DRC11: variants seen among roughly 807,000 people sequenced by gnomAD.
DRC11 encodes the protein dynein regulatory complex subunit 11.
At chr2:236,489,075 C>G in the DRC11 span, among the ~76,000 whole-genome samples, 1 of 138,160 alleles carries the variant, frequency 7.2e-6, no homozygotes, top group Admixed American at 7.4e-5. Context: ...CGGGTGCATG[C>G]TGGGGCCTGT....
At chr2:236,471,194 G>C in the DRC11 span, among the ~76,000 whole-genome samples, 9 of 152,222 alleles carry the variant, frequency 5.9e-5, no homozygotes, top group African/African-American at 2.2e-4. This position sits in a 1 kb window ranked among gnomAD's most constrained non-coding sequence, Gnocchi z 4.6. Context: ...CCAGGAAGTG[G>C]CTGGGGCTTT....
At chr2:236,389,942 G>A in the DRC11 span, among the ~76,000 whole-genome samples, 2 of 152,184 alleles carry the variant, frequency 1.3e-5, no homozygotes, top group African/African-American at 2.4e-5. Context: ...ATGCATACTC[G>A]AGAAGAATGT....
chr2:236,360,195 A>G, the DRC11 span, among the ~76,000 whole-genome samples: 2 of 152,138 alleles, frequency 1.3e-5, no homozygotes, highest in Non-Finnish European at 2.9e-5. This position sits in a 1 kb window ranked among gnomAD's most constrained non-coding sequence, Gnocchi z 5.8. Flanking sequence ...TATTTCAGTG[A>G]GCGGCCGTAT....
At chr2:236,431,321 G>A in the DRC11 span, among the ~76,000 whole-genome samples, 2 of 152,158 alleles carry the variant, frequency 1.3e-5, no homozygotes, top group African/African-American at 4.8e-5. The surrounding 1 kb of genome is among the most constrained non-coding windows in gnomAD (Gnocchi z 4.2). Context: ...GAAGGCCTCA[G>A]GAAACTTACA....
the DRC11 span, among the ~76,000 whole-genome samples, chr2:236,394,939 G>C: frequency 1.3e-5 from 2 of 152,244 alleles, no homozygotes; most frequent in Non-Finnish European, 2.9e-5. This position sits in a 1 kb window ranked among gnomAD's most constrained non-coding sequence, Gnocchi z 7.0. Context: ...CGCAAGGGCA[G>C]TTGGGCAGGT....
chr2:236,357,611 TTATAAATA>T, the DRC11 span, among the ~76,000 whole-genome samples: 36 of 124,340 alleles, frequency 2.9e-4, no homozygotes, highest in African/African-American at 5.5e-4. Context: ...AAATATATAT[TTATAAATA>T]TATAAATATG....
chr2:236,441,115 G>A, the DRC11 span: 8 of 1,556,026 alleles, frequency 5.1e-6, no homozygotes, highest in East Asian at 2.4e-5. Context: ...GAAATGTCCC[G>A]GTTAAATTTC....
At chr2:236,399,191 T>C in the DRC11 span, among the ~76,000 whole-genome samples, 2 of 152,130 alleles carry the variant, frequency 1.3e-5, no homozygotes, top group African/African-American at 2.4e-5. This position sits in a 1 kb window ranked among gnomAD's most constrained non-coding sequence, Gnocchi z 7.0. Flanking sequence ...GGTTTCACCA[T>C]GTTGGCCAGG....
the DRC11 span, among the ~76,000 whole-genome samples, chr2:236,475,078 C>CT: frequency 3.9e-4 from 59 of 152,218 alleles, no homozygotes; most frequent in African/African-American, 1.4e-3. This position sits in a 1 kb window ranked among gnomAD's most constrained non-coding sequence, Gnocchi z 4.8. Context: ...CTTATTCCTT[C>CT]TATAGAACTG....
chr2:236,343,287 T>A, the DRC11 span, among the ~76,000 whole-genome samples: 1 of 152,130 alleles, frequency 6.6e-6, no homozygotes, highest in Non-Finnish European at 1.5e-5. The surrounding 1 kb of genome is among the most constrained non-coding windows in gnomAD (Gnocchi z 6.6). Context: ...ACATTCCCGT[T>A]CCCCTTGCTC....
the DRC11 span, among the ~76,000 whole-genome samples, chr2:236,414,088 G>A: frequency 1.3e-5 from 2 of 152,118 alleles, no homozygotes; most frequent in African/African-American, 2.4e-5. Context: ...TCAAAAGAAA[G>A]ACTATTTTTT....
chr2:236,355,221 G>A, the DRC11 span, among the ~76,000 whole-genome samples: 8 of 152,280 alleles, frequency 5.3e-5, no homozygotes, highest in African/African-American at 1.9e-4. Flanking sequence ...GATGGACTCT[G>A]GGCGCTAGTG....
chr2:236,454,585 C>T, the DRC11 span: 4 of 152,210 alleles, frequency 2.6e-5, no homozygotes, highest in Non-Finnish European at 5.9e-5. This position sits in a 1 kb window ranked among gnomAD's most constrained non-coding sequence, Gnocchi z 5.3. Context: ...ATGTGACCAT[C>T]AGTCTCCCTC....
At chr2:236,476,197 G>A in the DRC11 span, among the ~76,000 whole-genome samples, 1 of 152,054 alleles carries the variant, frequency 6.6e-6, no homozygotes, top group East Asian at 1.9e-4. This position sits in a 1 kb window ranked among gnomAD's most constrained non-coding sequence, Gnocchi z 4.7. Flanking sequence ...TCCAATCCAT[G>A]AGCATGGAAT....
At chr2:236,459,042 C>A in the DRC11 span, among the ~76,000 whole-genome samples, 7 of 151,750 alleles carry the variant, frequency 4.6e-5, no homozygotes, top group Admixed American at 4.6e-4. Flanking sequence ...AAGACTGAGG[C>A]TCAAAAAACA....
chr2:236,399,371 G>A, the DRC11 span: 11 of 1,490,356 alleles, frequency 7.4e-6, no homozygotes, highest in African/African-American at 6.9e-5. The surrounding 1 kb of genome is among the most constrained non-coding windows in gnomAD (Gnocchi z 7.0). Context: ...TTCCCAGCAC[G>A]TGCTGCTGTC....
chr2:236,497,061 A>T, the DRC11 span: 1 of 936,964 alleles, frequency 1.1e-6, no homozygotes, highest in South Asian at 1.8e-5. This position sits in a 1 kb window ranked among gnomAD's most constrained non-coding sequence, Gnocchi z 5.1. Flanking sequence ...CCAACTAGTA[A>T]ACACGGACAG....
the DRC11 span, among the ~76,000 whole-genome samples, chr2:236,404,417 C>A: frequency 2.0e-5 from 3 of 152,092 alleles, no homozygotes; most frequent in African/African-American, 7.2e-5. Context: ...GCACCCTCTT[C>A]ATGCCCTAAG....
chr2:236,320,229 C>T, the DRC11 span, among the ~76,000 whole-genome samples: 33 of 152,206 alleles, frequency 2.2e-4, no homozygotes, highest in Admixed American at 1.7e-3. Flanking sequence ...GTTGCTGGGG[C>T]GGCTGCCAGC....
Sources: allele counts gnomAD v4.1 joint callset (sites outside exome capture counted in the v4.1 genomes callset), GRCh38; gene constraint gnomAD v4.1.1; non-coding constraint Gnocchi (gnomAD v3.1); transcripts MANE v1.5; gene names NCBI Gene and HGNC (gene_info 2026-07-23, HGNC 2026-07-21).